TUBGCP3: variants seen among roughly 807,000 people sequenced by gnomAD.
TUBGCP3 encodes tubulin gamma complex component 3.
In TUBGCP3, 50 loss-of-function variants were observed where a neutral mutation model predicts 123.1. That is an observed-to-expected ratio of 0.41 (90% CI 0.32 to 0.51). TUBGCP3 has a LOEUF of 0.51. Ranked by LOEUF, TUBGCP3 falls within the 20% of genes least tolerant of loss-of-function variation. The pLI is 0.36. For synonymous variants in TUBGCP3, 405 were observed against 413.9 expected, an observed-to-expected ratio of 0.98 and a Z score of 0.26; for missense variants, 882 against 1,127.0, an observed-to-expected ratio of 0.78 and a Z score of 3.11.
At chr13:112,520,672 G>A (rs1876545516) in intron 14 of TUBGCP3, among the ~76,000 whole-genome samples, 1 of 152,198 alleles carries the variant, frequency 6.6e-6, no homozygotes, top group Admixed American at 6.5e-5. Flanking sequence ...TAGACCCAAT[G>A]GGAAGAGGAG....
chr13:112,549,098 A>G (rs547548979), intron 8 of TUBGCP3, among the ~76,000 whole-genome samples: 2 of 152,330 alleles, frequency 1.3e-5, no homozygotes, highest in South Asian at 4.1e-4. Context: ...ATGTCCATCA[A>G]TGATAGACTG....
At position 112,524,255 on chromosome 13, in the gene TUBGCP3, T is replaced by G. The variant is rs534566116; in HGVS notation, c.1556-1746A>C. ...CATGCTATGCAAATAGCTGTTAAAT[T>G]GTCTTGGTTTTTTGTGTATTTTTTT... On this transcript the variant is annotated intron_variant, in intron 13 of 21. Coordinates refer to ENST00000261965, the MANE Select transcript of TUBGCP3 (RefSeq NM_006322.6). This position sits in a 1 kb window ranked among gnomAD's most constrained non-coding sequence, Gnocchi z 4.4. Among the ~76,000 whole-genome samples the G allele has an allele frequency of 4.6e-5, 7 of 152,310 alleles. No individual in the cohort carries two copies. Among genetic ancestry groups the G allele is most frequent in the South Asian group, 4.1e-4 (2 of 4,828 alleles).
chr13:112,507,892 G>A (rs1881410613), intron 17 of TUBGCP3, among the ~76,000 whole-genome samples: 1 of 152,088 alleles, frequency 6.6e-6, no homozygotes, highest in Non-Finnish European at 1.5e-5. Flanking sequence ...TGATTTTCTT[G>A]AGTGTACAAT....
chr13:112,556,195 T>C lies in TUBGCP3; in HGVS notation c.578A>G (p.Asp193Gly), dbSNP rs1197896182. 4 of 1,613,886 alleles carry C rather than the reference T, an allele frequency of 2.5e-6. No individual in the cohort carries two copies. In the African/African-American group the frequency reaches 4.0e-5, roughly 16 times the overall value. Residue 193 changes from aspartate (D) to glycine (G), a missense_variant, in exon 6 of 22, where the codon GAT (aspartate) becomes GGT (glycine). This residue lies in a region of TUBGCP3 where 713 missense variants were observed against 874.0 expected (regional missense o/e 0.82). Transcript: ENST00000261965. ...GQSNQAPGVG[D>G]CLRQQLGSRL... Reference sequence around the variant, plus strand: ...TGACCCCAACTGCTGTCGAAGGCAATCTCCTACTCCTGGAGCTTGATTAGA... The same window carrying C: ...TGACCCCAACTGCTGTCGAAGGCAACCTCCTACTCCTGGAGCTTGATTAGA...
intron 8 of TUBGCP3, among the ~76,000 whole-genome samples, chr13:112,553,362 G>C (rs1879751415): frequency 6.6e-6 from 1 of 152,242 alleles, no homozygotes; most frequent in African/African-American, 2.4e-5. Flanking sequence ...ATAGTACACA[G>C]TTGTTCTGTG....
intron 16 of TUBGCP3, among the ~76,000 whole-genome samples, chr13:112,517,627 T>A (rs563030026): frequency 6.6e-6 from 1 of 152,360 alleles, no homozygotes; most frequent in South Asian, 2.1e-4. Context: ...GCACGGTGGC[T>A]CATGCCTATA....
At chr13:112,520,217 T>C (rs1432664329) in intron 14 of TUBGCP3, among the ~76,000 whole-genome samples, 196 bp from the exon 15 acceptor site, 1 of 152,176 alleles carries the variant, frequency 6.6e-6, no homozygotes, top group East Asian at 1.9e-4. Flanking sequence ...TGGAGTTACA[T>C]TTCTTTAAAA....
chr13:112,510,201 G>A (rs572062059), intron 17 of TUBGCP3, among the ~76,000 whole-genome samples: 4 of 152,246 alleles, frequency 2.6e-5, no homozygotes, highest in Admixed American at 2.0e-4. Flanking sequence ...AAAGGCTGTC[G>A]AAAGAACTTC....
intron 11 of TUBGCP3, among the ~76,000 whole-genome samples, chr13:112,542,612 A>T (rs1878612841): frequency 6.6e-6 from 1 of 152,180 alleles, no homozygotes; most frequent in African/African-American, 2.4e-5. Flanking sequence ...ATATACCTCT[A>T]TAGATGGCAT....
At position 112,506,323 on chromosome 13, in the gene TUBGCP3, G is replaced by A. The variant is rs527573953; in HGVS notation, c.2087-1609C>T. 2.0e-5 allele frequency among the ~76,000 whole-genome samples: 3 copies of A among 152,290 alleles called. No homozygotes were observed. The South Asian group carries it at 6.2e-4, about 32-fold the overall frequency. ...TCGCAAGGGAGCACACCCACTCAAGGGCTCAAGCGCCTCCCCTGCCAATGG... is the reference window on the plus strand; with the variant it reads ...TCGCAAGGGAGCACACCCACTCAAGAGCTCAAGCGCCTCCCCTGCCAATGG... On this transcript the variant is annotated intron_variant, in intron 17 of 21. Transcript: ENST00000261965.
chr13:112,512,950 G>A (rs765238304), intron 17 of TUBGCP3, among the ~76,000 whole-genome samples: 20 of 152,160 alleles, frequency 1.3e-4, no homozygotes, highest in Non-Finnish European at 2.5e-4. Flanking sequence ...ACCTGACTAC[G>A]TAAATTTCAT....
chr13:112,594,638 T>C, the TUBGCP3 span, among the ~76,000 whole-genome samples: 1 of 152,220 alleles, frequency 6.6e-6, no homozygotes, highest in African/African-American at 2.4e-5. Flanking sequence ...TATTTCTAGA[T>C]TCTTGAGGTG....
intron 13 of TUBGCP3, 27 bp downstream of exon 13, chr13:112,526,915 A>G: frequency 6.5e-7 from 1 of 1,539,190 alleles, no homozygotes; most frequent in Non-Finnish European, 9.0e-7. Context: ...CATTGCCATC[A>G]TCACCACCCC....
chr13:112,558,357 G>A lies in TUBGCP3; in HGVS notation c.387C>T (p.Thr129=). 1 of 1,606,640 alleles carries A rather than the reference G, an allele frequency of 6.2e-7. No individual in the cohort carries two copies. The highest frequency in any genetic ancestry group is 1.1e-5 in the South Asian group (1 of 90,928). Residue 129 remains threonine (T), a synonymous_variant, in exon 5 of 22, where the codon ACC becomes ACT. Coordinates refer to ENST00000261965, the MANE Select transcript of TUBGCP3 (RefSeq NM_006322.6). The stretch of plus-strand genomic sequence containing the variant: ...TCTGAGGCCTGGCATAGTAGTAAGG[G>A]GTTGAGTGGGCATCTCTTGGTAAGG... ...AQALPRDAHS[T]PYYYARPQTL...
At chr13:112,552,292 C>G (rs1480344202) in intron 8 of TUBGCP3, among the ~76,000 whole-genome samples, 1 of 152,162 alleles carries the variant, frequency 6.6e-6, no homozygotes, top group African/African-American at 2.4e-5. Flanking sequence ...TGACTGGGAC[C>G]TATCAGTGAC....
chr13:112,583,844 A>G (rs1882431294), intron 1 of TUBGCP3, among the ~76,000 whole-genome samples: 1 of 152,186 alleles, frequency 6.6e-6, no homozygotes, highest in African/African-American at 2.4e-5. Context: ...TAGTAGAGGA[A>G]CAGAGCACAT....
chr13:112,588,174 C>T (rs1276610223), upstream of TUBGCP3: 2 of 436,994 alleles, frequency 4.6e-6, no homozygotes, highest in Non-Finnish European at 8.0e-6. Context: ...CACAATGCCC[C>T]GCTTCTTCCC....
chr13:112,530,991 C>T (rs1046376199), intron 11 of TUBGCP3, among the ~76,000 whole-genome samples: 4 of 152,322 alleles, frequency 2.6e-5, no homozygotes, highest in Admixed American at 2.0e-4. Flanking sequence ...TAGCCAAATA[C>T]TGAACACATG....
chr13:112,550,033 G>A (rs543631404), intron 8 of TUBGCP3, among the ~76,000 whole-genome samples: 162 of 149,376 alleles, frequency 1.1e-3, no homozygotes, highest in Non-Finnish European at 1.8e-3. Flanking sequence ...AAGGAGTCAG[G>A]TCAAAACAAC....
Sources: gnomAD v4.1 joint callset for allele counts (sites outside exome capture counted in the v4.1 genomes callset) on GRCh38, gnomAD v4.1.1 for gene constraint, gnomAD v4.1.1 regional missense constraint, Gnocchi (gnomAD v3.1) non-coding constraint, MANE v1.5 for transcripts, NCBI Gene and HGNC (gene_info 2026-07-23, HGNC 2026-07-21) for gene names.